The following IGF2R variants were observed in gnomAD, a reference collection of about 807,000 sequenced individuals.
IGF2R encodes insulin like growth factor 2 receptor.
IGF2R carries 91 observed loss-of-function variants against 270.6 expected under a neutral mutation model. The observed-to-expected ratio is 0.34, with a 90% CI of 0.28 to 0.40. The LOEUF (loss-of-function observed/expected upper bound fraction) is 0.40. Ranked by LOEUF, IGF2R falls within the 10% of genes least tolerant of loss-of-function variation. The pLI, the probability that IGF2R is intolerant of heterozygous loss-of-function variation, is 1.00. For synonymous variants in IGF2R, 1,316 were observed against 1,258.9 expected, an observed-to-expected ratio of 1.05 and a Z score of -0.96; for missense variants, 2,805 against 3,188.3, an observed-to-expected ratio of 0.88 and a Z score of 2.90.
At chr6:160,056,685 C>G (rs935528437) in intron 20 of IGF2R, among the ~76,000 whole-genome samples, 160 bp downstream of exon 20, 2 of 152,204 alleles carry the variant, frequency 1.3e-5, no homozygotes, top group Admixed American at 6.5e-5. Flanking sequence ...GAGTTCCTCT[C>G]CACTCCGCAG....
chr6:160,065,516 G>A (rs942591833), intron 29 of IGF2R, among the ~76,000 whole-genome samples: 1 of 152,028 alleles, frequency 6.6e-6, no homozygotes, highest in African/African-American at 2.4e-5. Flanking sequence ...GTAAATGCAA[G>A]CATTTAGTAA....
At chr6:160,061,960 C>T (rs1778449463) in intron 25 of IGF2R, 32 bp downstream of exon 25, 2 of 1,590,504 alleles carry the variant, frequency 1.3e-6, no homozygotes, top group East Asian at 4.5e-5. Flanking sequence ...GAGATGTTGT[C>T]CCCGGGTGAC....
chr6:160,071,786 C>T (rs1417958301), intron 31 of IGF2R, 124 bp from the exon 32 acceptor site: 2 of 1,289,074 alleles, frequency 1.6e-6, no homozygotes, highest in Admixed American at 3.6e-5. Context: ...CCCACAGGCA[C>T]ATGGAGACAG....
chr6:159,990,630 CTT>C (rs372870014), intron 1 of IGF2R, among the ~76,000 whole-genome samples: 1 of 147,230 alleles, frequency 6.8e-6, no homozygotes, highest in Non-Finnish European at 1.5e-5. Context: ...TAAGATATTT[CTT>C]TTTTTTTTTT....
chr6:160,044,687 T>C, intron 13 of IGF2R, 30 bp downstream of exon 13: 2 of 1,577,506 alleles, frequency 1.3e-6, no homozygotes, highest in Non-Finnish European at 1.7e-6. Flanking sequence ...TGAAATCTTT[T>C]CTGGCTTCTG....
At chr6:159,996,616 C>T (rs1265941496) in intron 2 of IGF2R, among the ~76,000 whole-genome samples, 2 of 152,166 alleles carry the variant, frequency 1.3e-5, no homozygotes, top group Non-Finnish European at 2.9e-5. Flanking sequence ...CAGGTGGGAG[C>T]ACAATCTGCC....
Position 160,085,031 on chromosome 6 carries a change from G to A in IGF2R, c.6105G>A (p.Gly2035=), listed in dbSNP as rs929463695. 1.2e-6 allele frequency: 2 copies of A among 1,614,066 alleles called. No individual in the cohort carries two copies. The highest frequency in any genetic ancestry group is 1.7e-6 in the Non-Finnish European group (2 of 1,179,974). The change falls in exon 41 of 48, where the codon GGG becomes GGA. Residue 2035 remains glycine, a synonymous_variant. Transcript: ENST00000356956. ...YINLCQKIYK[G]PLGCSERASI... is the part of the protein sequence containing the mutation. ...ATCTGTGCCAGAAAATATATAAAGG[G>A]CCCCTGGGCTGCTCTGAAAGGGCCA...
chr6:159,981,089 G>A (rs1006286357), intron 1 of IGF2R, among the ~76,000 whole-genome samples: 3 of 152,196 alleles, frequency 2.0e-5, no homozygotes, highest in African/African-American at 7.2e-5. Flanking sequence ...CCCACCTCCT[G>A]GGAACGCCAC....
rs140617206 is a variant in IGF2R at position 160,021,105 on chromosome 6, A to G, written c.514-3467A>G. Among the ~76,000 whole-genome samples, 136 of 152,294 alleles carry G rather than the reference A, an allele frequency of 8.9e-4. No individual in the cohort carries two copies. The East Asian group carries it at 0.021, about 24-fold the overall frequency. Reference sequence around the variant, plus strand: ...AAAGAATGCAGACAACTCAACAAGAAAAACCACAATCCCTTTAAGAAGTGA... The same window carrying G: ...AAAGAATGCAGACAACTCAACAAGAGAAACCACAATCCCTTTAAGAAGTGA... On this transcript the variant is annotated intron_variant, in intron 4 of 47. Coordinates refer to ENST00000356956, the MANE Select transcript of IGF2R (RefSeq NM_000876.4).
At chr6:160,061,714 G>T (rs370155385) in intron 24 of IGF2R, 39 bp from the exon 25 acceptor site, 1 of 1,613,406 alleles carries the variant, frequency 6.2e-7, no homozygotes, top group Non-Finnish European at 8.5e-7. Flanking sequence ...CAAGGTCATC[G>T]CCTTCCTCAT....
At position 160,046,594 on chromosome 6, in the gene IGF2R, T is replaced by C. The variant is rs1276651264; in HGVS notation, c.2000T>C (p.Val667Ala). ...TTTTATATAAATGTGTGTGGCCCGG[T>C]GTCTGTGAGCCCCTGTCAGCCAGAC... Reference protein sequence around the residue: ...YDFYINVCGPVSVSPCQPDSG... With the variant: ...YDFYINVCGPASVSPCQPDSG... Residue 667 changes from valine to alanine, a missense_variant, in exon 15 of 48, where the codon GTG becomes GCG. Val to Ala is a moderately conservative substitution (Grantham distance 64). Around this residue, in one of 2 missense-constraint regions of IGF2R, gnomAD observed 954 missense variants for 981.1 expected, o/e 0.97. Transcript: ENST00000356956. 3 of 1,613,866 alleles carry C rather than the reference T, an allele frequency of 1.9e-6. No homozygotes were observed. In the African/African-American group the frequency reaches 4.0e-5, roughly 22 times the overall value.
At chr6:160,101,793 T>G (rs896069082) in intron 45 of IGF2R, among the ~76,000 whole-genome samples, 1 of 152,260 alleles carries the variant, frequency 6.6e-6, no homozygotes, top group Non-Finnish European at 1.5e-5. Flanking sequence ...GTTTCTCATT[T>G]TCTATTATTG....
intron 10 of IGF2R, among the ~76,000 whole-genome samples, chr6:160,037,882 CA>C (rs1777861343): frequency 2.6e-5 from 4 of 152,150 alleles, no homozygotes; most frequent in Admixed American, 2.6e-4. Context: ...ATGTGACTTC[CA>C]GGGGCTCTGC....
chr6:160,011,835 G>C (rs1350114091), intron 4 of IGF2R, among the ~76,000 whole-genome samples: 1 of 152,006 alleles, frequency 6.6e-6, no homozygotes, highest in Non-Finnish European at 1.5e-5. Flanking sequence ...TTCTCACCTT[G>C]ATAACAATCT....
intron 45 of IGF2R, among the ~76,000 whole-genome samples, chr6:160,097,329 T>C (rs1452744172): frequency 6.6e-6 from 1 of 152,194 alleles, no homozygotes; most frequent in African/African-American, 2.4e-5. Context: ...TTTATATTTA[T>C]TTTTATTTTT....
chr6:160,016,442 CCATGGCCCCA>C lies in IGF2R; in HGVS notation c.513+5659_513+5668del, dbSNP rs576218209. 1.2e-4 allele frequency among the ~76,000 whole-genome samples: 19 copies of C among 152,338 alleles called. No individual in the cohort carries two copies. The South Asian group carries it at 3.1e-3, about 25-fold the overall frequency. ...CACAAGACAGTGATGCTTAGGTGTC[CCATGGCCCCA>C]CCCATTGTCTGGGACATGGGAGTAG... On this transcript the variant is annotated intron_variant, in intron 4 of 47. Transcript: ENST00000356956.
At chr6:160,098,840 A>G (rs924551828) in intron 45 of IGF2R, among the ~76,000 whole-genome samples, 3 of 152,180 alleles carry the variant, frequency 2.0e-5, no homozygotes, top group Non-Finnish European at 2.9e-5. Flanking sequence ...TCATGTAACT[A>G]TAACAAACAG....
intron 1 of IGF2R, among the ~76,000 whole-genome samples, chr6:159,977,719 C>T (rs547131143): frequency 9.2e-5 from 14 of 152,216 alleles, no homozygotes; most frequent in Admixed American, 2.0e-4. Flanking sequence ...GGGCTTGAAT[C>T]CAGACTCCTC....
In IGF2R at chr6:160,080,292, C is replaced by T. The variant is rs755465140; in HGVS notation, c.5833+17C>T. On this transcript the variant is annotated intron_variant, in intron 39 of 47. Transcript: ENST00000356956. ...GCAGACACTGTGAGTAGGACGGCTC[C>T]GCGTCCCCACATGGCCTGGGGCCTT... 162 of 1,609,928 alleles carry T rather than the reference C, an allele frequency of 1.0e-4. No individual in the cohort carries two copies. The highest frequency in any genetic ancestry group is 1.2e-4 in the Non-Finnish European group (144 of 1,177,524).
Sources: allele counts gnomAD v4.1 joint callset (sites outside exome capture counted in the v4.1 genomes callset), GRCh38; gene constraint gnomAD v4.1.1; regional missense constraint gnomAD v4.1.1; transcripts MANE v1.5; gene names NCBI Gene and HGNC (gene_info 2026-07-23, HGNC 2026-07-21).